The following TYK2 variants were observed in gnomAD, a reference collection of about 807,000 sequenced individuals.
TYK2 encodes the protein tyrosine kinase 2.
Under a neutral mutation model 130.9 loss-of-function variants are expected in TYK2, and 65 were observed. The ratio of observed to expected loss-of-function variants is 0.50; its 90% CI spans 0.41 to 0.61. The LOEUF is 0.61. Among genes scored for constraint, TYK2 ranks in the 20% least tolerant of loss-of-function variants. TYK2 has a pLI of 0.00. For missense variants in TYK2, 1,378 were observed against 1,610.7 expected (o/e 0.86, Z 2.47); for synonymous variants, 647 against 658.9 (o/e 0.98, Z 0.28).
rs1369799468 is a variant in TYK2 at position 10,350,628 on chromosome 19, TGTTGGGTCCCTCAAGATCATG to T, written c.*185_*205del. 8 of 602,020 alleles carry T rather than the reference TGTTGGGTCCCTCAAGATCATG, an allele frequency of 1.3e-5. No homozygotes were observed. The highest frequency in any genetic ancestry group is 2.3e-5 in the Non-Finnish European group (8 of 345,534). The allele number at this position is 602,020 out of a possible 1,614,324, so 37.3% of individuals were successfully genotyped here. A position where few individuals can be genotyped will look rare whatever the true frequency, so the allele number is the denominator to read the frequency against. On this transcript the variant is annotated 3_prime_UTR_variant, in exon 25 of 25. Transcript: ENST00000525621. ...AGGGCTGGATTAGTGCCCCTACAAA[TGTTGGGTCCCTCAAGATCATG>T]GTTAGGCTCACGGCCAAGAAAGAAA...
intron 3 of TYK2, among the ~76,000 whole-genome samples, chr19:10,370,527 A>T (rs1011159969): frequency 2.2e-5 from 3 of 136,894 alleles, no homozygotes; most frequent in Non-Finnish European, 4.7e-5. Context: ...AAAAAAAAAA[A>T]TGGTATCTGG....
chr19:10,365,070 C>G (rs376202944), intron 7 of TYK2, 22 bp from the exon 8 acceptor site: 19 of 1,590,542 alleles, frequency 1.2e-5, no homozygotes, highest in Non-Finnish European at 1.5e-5. Flanking sequence ...GCAAGTGGGG[C>G]AGAGGATGGA....
chr19:10,367,224 G>C (rs1451795054), intron 5 of TYK2, among the ~76,000 whole-genome samples: 4 of 152,072 alleles, frequency 2.6e-5, no homozygotes, highest in Non-Finnish European at 4.4e-5. Context: ...GGAGGGGAGA[G>C]ACCACCATTT....
At position 10,362,537 on chromosome 19, in the gene TYK2, C is replaced by T. The variant is rs1393309145; in HGVS notation, c.1476+12G>A. ...GTCCAGCCCCAGCCCCAGCCCCCAGCCCTGGGCTCACCTGGCTACGCTGGG... is the reference window on the plus strand; with the variant it reads ...GTCCAGCCCCAGCCCCAGCCCCCAGTCCTGGGCTCACCTGGCTACGCTGGG... On this transcript the variant is annotated intron_variant, in intron 10 of 24. Coordinates refer to ENST00000525621, the MANE Select transcript of TYK2 (RefSeq NM_003331.5). 3.2e-6 allele frequency: 5 copies of T among 1,555,532 alleles called. No homozygotes were observed. Among genetic ancestry groups the T allele is most frequent in the Non-Finnish European group, 4.4e-6 (5 of 1,149,220 alleles).
rs548776050 is a variant in TYK2, at chr19:10,364,502, T to TA, written c.1367+111dup. 6,391 of 1,158,378 alleles carry TA rather than the reference T, an allele frequency of 5.5e-3. No homozygotes were observed. Among genetic ancestry groups the TA allele is most frequent in the Non-Finnish European group, 6.5e-3 (5,416 of 829,932 alleles). The allele number at this position is 1,158,378 out of a possible 1,614,324, so 71.8% of individuals were successfully genotyped here. A position where few individuals can be genotyped will look rare whatever the true frequency, so the allele number is the denominator to read the frequency against. On this transcript the variant is annotated intron_variant, in intron 9 of 24. Coordinates refer to ENST00000525621, the MANE Select transcript of TYK2 (RefSeq NM_003331.5). The surrounding 1 kb of genome is among the most constrained non-coding windows in gnomAD (Gnocchi z 4.9). ...GCACTCCAGTTTGGGCGACAAAAAA[T>TA]AAAAAAAAAATAAGACGTGCACCTA...
At chr19:10,370,795 T>C (rs1301621455) in intron 3 of TYK2, among the ~76,000 whole-genome samples, 1 of 151,920 alleles carries the variant, frequency 6.6e-6, no homozygotes, top group Non-Finnish European at 1.5e-5. Context: ...CCAGCCTGGG[T>C]GAAAGAGTGA....
At position 10,366,546 on chromosome 19, in the gene TYK2, A is replaced by G. The variant is rs1421177533; in HGVS notation, c.500T>C (p.Leu167Pro). 3 of 1,614,044 alleles carry G rather than the reference A, an allele frequency of 1.9e-6. No individual in the cohort carries two copies. The highest frequency in any genetic ancestry group is 2.5e-6 in the Non-Finnish European group (3 of 1,179,996). The change falls in exon 6 of 25, where the codon CTG (leucine) becomes CCG (proline). Residue 167 changes from leucine to proline, a missense_variant. Transcript: ENST00000525621. Reference sequence around the variant, plus strand: ...CTCCTCCTCGGTCGACAGCTCCCACAGTGATGCCACGTCATTCACAAACTC... The same window carrying G: ...CTCCTCCTCGGTCGACAGCTCCCACGGTGATGCCACGTCATTCACAAACTC... Reference protein sequence around the residue: ...KHEFVNDVASLWELSTEEEIH... With the variant: ...KHEFVNDVASPWELSTEEEIH...
rs760083588 is a variant in TYK2 at position 10,353,546 on chromosome 19, G to A, written c.3009C>T (p.Phe1003=). 8 of 1,499,286 alleles carry A rather than the reference G, an allele frequency of 5.3e-6. No individual in the cohort carries two copies. The Admixed American group carries it at 8.8e-5, about 16-fold the overall frequency. The allele number at this position is 1,499,286 out of a possible 1,614,324, so 92.9% of individuals were successfully genotyped here. ...HSIGLAQLLL[F]AQQICEGMAY... The stretch of plus-strand genomic sequence containing the variant: ...GACCAACCTCGCAGATCTGCTGGGC[G>A]AAGAGCAGCAGCTGGGCCAGCCCGA... Residue 1003 remains phenylalanine, a synonymous_variant, in exon 21 of 25, where the codon TTC becomes TTT. Transcript: ENST00000525621. This position sits in a 1 kb window ranked among gnomAD's most constrained non-coding sequence, Gnocchi z 6.9.
At chr19:10,370,276 T>C (rs1305192764) in intron 3 of TYK2, among the ~76,000 whole-genome samples, 1 of 150,794 alleles carries the variant, frequency 6.6e-6, no homozygotes, top group Admixed American at 6.6e-5. Context: ...GGAGGACTGC[T>C]TGAACCCGGG....
At chr19:10,368,726 C>T (rs545627415) in intron 3 of TYK2, 30 of 391,214 alleles carry the variant, frequency 7.7e-5, no homozygotes, top group South Asian at 2.7e-4. Context: ...CTTCACCACC[C>T]GAGGTATGAT....
chr19:10,359,212 A>C lies in TYK2; in HGVS notation c.2138T>G (p.Val713Gly), dbSNP rs749003655. The C allele has an allele frequency of 1.2e-5, 20 of 1,607,660 alleles. No homozygotes were observed. In the South Asian group the frequency reaches 2.1e-4, roughly 17 times the overall value. The change falls in exon 15 of 25, where the codon GTG (valine) becomes GGG (glycine). Residue 713 changes from valine to glycine, a missense_variant. Physicochemically the swap from Val to Gly is moderately radical, Grantham distance 109. Coordinates refer to ENST00000525621, the MANE Select transcript of TYK2 (RefSeq NM_003331.5). ...GGCGCTGGCCAGCTGCTGGGCCACCACCATCTTCCAAGCCATGGGCACATG... is the reference window on the plus strand; with the variant it reads ...GGCGCTGGCCAGCTGCTGGGCCACCCCCATCTTCCAAGCCATGGGCACATG... ...RGHVPMAWKMVVAQQLASALS... is the reference protein window; with the variant it reads ...RGHVPMAWKMGVAQQLASALS...
Position 10,362,402 on chromosome 19 carries a change from C to T in TYK2, c.1531G>A (p.Asp511Asn). 6.2e-7 allele frequency: 1 copy of T among 1,613,188 alleles called. No individual in the cohort carries two copies. The highest frequency in any genetic ancestry group is 8.5e-7 in the Non-Finnish European group (1 of 1,179,456). The change falls in exon 11 of 25, where the codon GAC (aspartate) becomes AAC (asparagine). Residue 511 changes from aspartate to asparagine, a missense_variant. By Grantham distance (23) the Asp-to-Asn change is conservative. Coordinates refer to ENST00000525621, the MANE Select transcript of TYK2 (RefSeq NM_003331.5). ...CAGCCCTCCAGCACGAAGGCCCCGTCCTGCTGCTCAATGGGGAACTTTCGG... is the reference window on the plus strand; with the variant it reads ...CAGCCCTCCAGCACGAAGGCCCCGTTCTGCTGCTCAATGGGGAACTTTCGG... ...RLRKFPIEQQ[D>N]GAFVLEGWGR...
rs367584686 is a variant in TYK2 at position 10,358,102 on chromosome 19, G to A, written c.2212C>T (p.Arg738Trp). The stretch of plus-strand genomic sequence containing the variant: ...CCCAGCCGGGCCAGCAGGATGTTCC[G>A]GCCACACACATTACCATGAACCAGG... ...KNLVHGNVCG[R>W]NILLARLGLA... is the part of the protein sequence containing the mutation. Residue 738 changes from arginine to tryptophan, a missense_variant, in exon 16 of 25, where the codon CGG becomes TGG. By Grantham distance (101) the Arg-to-Trp change is moderately radical. Transcript: ENST00000525621. 1.3e-5 allele frequency: 21 copies of A among 1,611,414 alleles called. No homozygotes were observed. Among genetic ancestry groups the A allele is most frequent in the Middle Eastern group, 1.7e-4 (1 of 6,052 alleles).
intron 23 of TYK2, among the ~76,000 whole-genome samples, chr19:10,351,976 G>C (rs2040827802): frequency 1.3e-5 from 2 of 151,846 alleles, no homozygotes; most frequent in East Asian, 3.9e-4. Flanking sequence ...CTGACCTCGT[G>C]ATCTGCCCGC....
rs746113423 is a variant in TYK2, at chr19:10,354,500, C to A, written c.2715+12G>T. ...CAGGCGGGCCTTTTAGCAGCTCAGG[C>A]CCGTCCCTCACCTCGCCCAGATCTC... On this transcript the variant is annotated intron_variant, in intron 19 of 24. Coordinates refer to ENST00000525621, the MANE Select transcript of TYK2 (RefSeq NM_003331.5). The A allele has an allele frequency of 1.2e-6, 2 of 1,613,334 alleles. No homozygotes were observed. The highest frequency in any genetic ancestry group is 1.7e-6 in the Non-Finnish European group (2 of 1,179,358).
In TYK2 at chr19:10,362,626, C is replaced by T. The variant is rs779259245; in HGVS notation, c.1399G>A (p.Glu467Lys). 2.4e-5 allele frequency: 37 copies of T among 1,551,870 alleles called. No homozygotes were observed. Among genetic ancestry groups the T allele is most frequent in the South Asian group, 2.0e-4 (17 of 84,096 alleles). The change falls in exon 10 of 25, where the codon GAG (glutamate) becomes AAG (lysine). Residue 467 changes from glutamate (E) to lysine (K), a missense_variant. Coordinates refer to ENST00000525621, the MANE Select transcript of TYK2 (RefSeq NM_003331.5). ...EPFVQAKLRP[E>K]DGLYLIHWST... ...CAGTGAATGAGGTACAGGCCGTCCT[C>T]GGGCCGCAGCTTGGCCTGCACAAAT...
intron 5 of TYK2, among the ~76,000 whole-genome samples, chr19:10,367,399 T>C (rs1446569211): frequency 6.6e-6 from 1 of 151,354 alleles, no homozygotes. Flanking sequence ...CTGAGGCAGG[T>C]GAATCACTTG....
In TYK2 at chr19:10,354,054, A is replaced by G. The variant is rs763754692; in HGVS notation, c.2896T>C (p.Cys966Arg). 6.2e-7 allele frequency: 1 copy of G among 1,614,120 alleles called. No individual in the cohort carries two copies. The highest frequency in any genetic ancestry group is 8.5e-7 in the Non-Finnish European group (1 of 1,180,030). The change falls in exon 20 of 25, where the codon TGC (cysteine) becomes CGC (arginine). Residue 966 changes from cysteine (C) to arginine (R), a missense_variant. Transcript: ENST00000525621. ...GGGTCCCGCCCACCTTGGTCCTCGC[A>G]GCAGCCCTTGTACTTGATGATGTGC... ...HEHIIKYKGC[C>R]EDQGEKSLQL...
At chr19:10,373,610 C>A (rs1476546415) in intron 3 of TYK2, among the ~76,000 whole-genome samples, 1 of 152,040 alleles carries the variant, frequency 6.6e-6, no homozygotes, top group African/African-American at 2.4e-5. Flanking sequence ...GGATTACAGG[C>A]GTGACCCACT....
Sources: allele counts gnomAD v4.1 joint callset (sites outside exome capture counted in the v4.1 genomes callset), GRCh38; gene constraint gnomAD v4.1.1; non-coding constraint Gnocchi (gnomAD v3.1); transcripts MANE v1.5; gene names NCBI Gene and HGNC (gene_info 2026-07-23, HGNC 2026-07-21).